HDAC9: variants seen among roughly 807,000 people sequenced by gnomAD.
HDAC9 encodes MEF-2 interacting transcription repressor (MITR) protein.
In HDAC9, 41 loss-of-function variants were observed where a neutral mutation model predicts 139.4. The observed-to-expected ratio is 0.29, with a 90% confidence interval of 0.23 to 0.38. HDAC9 has a LOEUF of 0.38. Among genes scored for constraint, HDAC9 ranks in the 10% least tolerant of loss-of-function variants. The pLI is 1.00. For synonymous variants in HDAC9, 517 were observed against 476.2 expected, an observed-to-expected ratio of 1.09 and a Z score of -1.12; for missense variants, 1,147 against 1,297.0, an observed-to-expected ratio of 0.88 and a Z score of 1.78.
intron 22 of HDAC9, 150 bp from the exon 23 acceptor site, chr7:18,935,659 T>C (rs1781581700): frequency 1.5e-6 from 1 of 689,456 alleles, no homozygotes. Flanking sequence ...TAATAGGACC[T>C]AATCCATAAA....
chr7:18,635,124 C>G lies in HDAC9; in HGVS notation c.912+382C>G, dbSNP rs150630980. On this transcript the variant is annotated intron_variant, in intron 8 of 25. Transcript: ENST00000686413. Reference sequence around the variant, plus strand: ...CATTCTTAGTGATCCTCCGTGCACACTGCCTGACAATTATGTAACTTACTA... The same window carrying G: ...CATTCTTAGTGATCCTCCGTGCACAGTGCCTGACAATTATGTAACTTACTA... Among the ~76,000 whole-genome samples, 511 of 151,920 alleles carry G rather than the reference C, an allele frequency of 3.4e-3. 1 individual carries two copies. The highest frequency in any genetic ancestry group is 0.012 in the African/African-American group (489 of 41,454).
chr7:18,174,021 C>A (rs756194818), intron 2 of HDAC9, among the ~76,000 whole-genome samples: 1 of 152,148 alleles, frequency 6.6e-6, no homozygotes, highest in Non-Finnish European at 1.5e-5. Flanking sequence ...AAGTTCTCCT[C>A]GATAATATCC....
chr7:18,924,872 G>A (rs1018641569), intron 22 of HDAC9, among the ~76,000 whole-genome samples: 3 of 152,050 alleles, frequency 2.0e-5, no homozygotes, highest in African/African-American at 7.2e-5. Context: ...AAGCTTTTTG[G>A]CAATGGTCAA....
chr7:18,781,963 G>A (rs946914433), intron 16 of HDAC9, among the ~76,000 whole-genome samples: 5 of 152,140 alleles, frequency 3.3e-5, no homozygotes, highest in Non-Finnish European at 7.4e-5. Context: ...TTTATTTTGC[G>A]GTTTAGCTTT....
chr7:18,848,825 T>C (rs1562986613), intron 21 of HDAC9, among the ~76,000 whole-genome samples: 1 of 152,134 alleles, frequency 6.6e-6, no homozygotes, highest in Non-Finnish European at 1.5e-5. Flanking sequence ...TGTTAATAAG[T>C]GTTTCTCAAC....
At chr7:18,399,721 G>C (rs7779646) in intron 1 of HDAC9, among the ~76,000 whole-genome samples, 61,672 of 152,040 alleles carry the variant, frequency 0.41, 13,786 homozygotes, top group African/African-American at 0.6. Flanking sequence ...AGAGTGTTTG[G>C]TGTGTGCTTT....
chr7:18,371,632 T>C lies in HDAC9; in HGVS notation c.-42+81117T>C, dbSNP rs150387934. 5.5e-3 allele frequency among the ~76,000 whole-genome samples: 837 copies of C among 152,236 alleles called. 3 individuals carry two copies. Among genetic ancestry groups the C allele is most frequent in the Non-Finnish European group, 7.3e-3 (497 of 68,014 alleles). ...TATACAGACACAATAGCAGAAACAA[T>C]GGGTGAATTATTAGTTTCTGCATTC... On this transcript the variant is annotated intron_variant, in intron 1 of 3. Coordinates refer to the HDAC9 transcript ENST00000413509.
intron 17 of HDAC9, among the ~76,000 whole-genome samples, chr7:18,816,819 T>C (rs1794595261): frequency 6.6e-6 from 1 of 152,184 alleles, no homozygotes; most frequent in South Asian, 2.1e-4. Context: ...TCAGTTTCTT[T>C]AGATAAAACA....
chr7:18,625,711 G>T (rs775256158), intron 6 of HDAC9, among the ~76,000 whole-genome samples: 1 of 151,990 alleles, frequency 6.6e-6, no homozygotes, highest in Non-Finnish European at 1.5e-5. Context: ...TTGGGAGGCC[G>T]AGGCGAGTGG....
intron 6 of HDAC9, among the ~76,000 whole-genome samples, chr7:18,608,996 A>T (rs1445154665): frequency 3.3e-5 from 5 of 152,202 alleles, no homozygotes; most frequent in African/African-American, 9.6e-5. Context: ...AAAAGACATT[A>T]AGATGTTATT....
intron 12 of HDAC9, among the ~76,000 whole-genome samples, chr7:18,703,774 C>T (rs2129106549): frequency 6.6e-6 from 1 of 151,782 alleles, no homozygotes; most frequent in South Asian, 2.1e-4. Context: ...CATCCCTGTC[C>T]CCCAGGGCCC....
intron 21 of HDAC9, among the ~76,000 whole-genome samples, chr7:18,855,147 A>T (rs1797582360): frequency 6.6e-6 from 1 of 152,162 alleles, no homozygotes; most frequent in Non-Finnish European, 1.5e-5. Context: ...CAGTAATAGG[A>T]CATGTCTCTA....
Position 18,173,344 on chromosome 7 carries a change from G to A in HDAC9, c.25+10995G>A, listed in dbSNP as rs1231001937. ...ATCCCTTTATTTTGAGCCTATGTGT[G>A]TCTCTGCACGTCAGATGGGTCTCCT... is the stretch of plus-strand genomic sequence containing the variant. On this transcript the variant is annotated intron_variant, in intron 2 of 12. Coordinates refer to the HDAC9 transcript ENST00000417496. 3.3e-5 allele frequency among the ~76,000 whole-genome samples: 5 copies of A among 152,126 alleles called. No individual in the cohort carries two copies. In the East Asian group the frequency reaches 9.6e-4, roughly 29 times the overall value.
chr7:18,340,910 G>C (rs1017638527), intron 1 of HDAC9, among the ~76,000 whole-genome samples: 2 of 151,372 alleles, frequency 1.3e-5, no homozygotes, highest in Non-Finnish European at 3.0e-5. Context: ...AAGTCTGCTG[G>C]TGATGAATTC....
intron 1 of HDAC9, among the ~76,000 whole-genome samples, chr7:18,457,082 A>C (rs1023106037): frequency 6.6e-6 from 1 of 152,324 alleles, no homozygotes; most frequent in Non-Finnish European, 1.5e-5. Flanking sequence ...ACCTTAGTCT[A>C]GTAGATTTCC....
chr7:18,728,512 T>C (rs1488300890), intron 13 of HDAC9, among the ~76,000 whole-genome samples: 3 of 152,188 alleles, frequency 2.0e-5, no homozygotes, highest in Non-Finnish European at 4.4e-5. Context: ...TTATTTCTTT[T>C]TGTGTACTCT....
chr7:18,508,704 C>G (rs1800540534), intron 2 of HDAC9, among the ~76,000 whole-genome samples: 1 of 151,996 alleles, frequency 6.6e-6, no homozygotes, highest in African/African-American at 2.4e-5. Context: ...TCTCAGAAAC[C>G]CAAAAGAAGG....
At chr7:18,693,247 C>CA (rs1320626414) in intron 12 of HDAC9, among the ~76,000 whole-genome samples, 1 of 151,888 alleles carries the variant, frequency 6.6e-6, no homozygotes, top group Non-Finnish European at 1.5e-5. Context: ...CCAAACCAAA[C>CA]AAAAATAGCA....
chr7:18,813,224 A>G (rs1281253594), intron 17 of HDAC9, among the ~76,000 whole-genome samples: 1 of 152,012 alleles, frequency 6.6e-6, no homozygotes, highest in Non-Finnish European at 1.5e-5. Flanking sequence ...GCATTGTGTT[A>G]AAGAAAAAGA....
Sources: allele counts gnomAD v4.1 joint callset (sites outside exome capture counted in the v4.1 genomes callset), GRCh38; gene constraint gnomAD v4.1.1; transcripts MANE v1.5; gene names NCBI Gene and HGNC (gene_info 2026-07-23, HGNC 2026-07-21).